SDK1: variants seen among roughly 807,000 people sequenced by gnomAD.
SDK1 encodes the protein protein sidekick-1.
Under a neutral mutation model 245.5 loss-of-function variants are expected in SDK1, and 157 were observed. That is an observed-to-expected ratio of 0.64 (90% CI 0.56 to 0.73). SDK1 has a LOEUF of 0.73. Ranked by LOEUF, SDK1 falls within the 30% of genes least tolerant of loss-of-function variation. The pLI, the probability that SDK1 is intolerant of heterozygous loss-of-function variation, is 0.00. For missense variants in SDK1, 3,583 were observed against 3,002.3 expected, an observed-to-expected ratio of 1.19 and a Z score of -4.52; for synonymous variants, 1,647 against 1,278.5, an observed-to-expected ratio of 1.29 and a Z score of -6.15.
At chr7:3,944,111 C>A (rs74684178) in intron 5 of SDK1, among the ~76,000 whole-genome samples, 4,722 of 152,298 alleles carry the variant, frequency 0.031, 266 homozygotes, top group African/African-American at 0.11. Context: ...TAACAGAGCA[C>A]AACCAGTGTT....
chr7:3,472,562 A>G (rs536132250), intron 1 of SDK1, among the ~76,000 whole-genome samples: 3 of 152,352 alleles, frequency 2.0e-5, no homozygotes, highest in Admixed American at 6.5e-5. Flanking sequence ...TATAACTGAT[A>G]ATAGCTGGTT....
intron 14 of SDK1, among the ~76,000 whole-genome samples, chr7:3,998,237 C>A (rs575367698): frequency 6.6e-6 from 1 of 152,352 alleles, no homozygotes; most frequent in African/African-American, 2.4e-5. Flanking sequence ...TCCACTTGTC[C>A]CCGGCTCCTA....
intron 35 of SDK1, among the ~76,000 whole-genome samples, chr7:4,204,504 C>T (rs183439276): frequency 2.0e-5 from 3 of 148,988 alleles, no homozygotes; most frequent in Non-Finnish European, 3.0e-5. Flanking sequence ...TTTTATTCTG[C>T]GCTGGGGGGA....
Position 3,492,137 on chromosome 7 carries a change from A to G in SDK1, c.299-126943A>G, listed in dbSNP as rs1331795669. On this transcript the variant is annotated intron_variant, in intron 1 of 44. Coordinates refer to ENST00000404826, the MANE Select transcript of SDK1 (RefSeq NM_152744.4). The stretch of plus-strand genomic sequence containing the variant: ...TAATAGATATTTTTAGGCACTTAGG[A>G]TGCTAGGGAACTTAGTAAGTGCTTT... 2.0e-5 allele frequency among the ~76,000 whole-genome samples: 3 copies of G among 152,364 alleles called. No homozygotes were observed. The East Asian group carries it at 5.8e-4, about 29-fold the overall frequency.
At chr7:4,142,720 C>G (rs769895261) in intron 28 of SDK1, among the ~76,000 whole-genome samples, 2 of 152,220 alleles carry the variant, frequency 1.3e-5, no homozygotes, top group Non-Finnish European at 2.9e-5. Flanking sequence ...TCCTTGGCCT[C>G]CCAAAATGCT....
chr7:3,447,701 T>C (rs977255687), intron 1 of SDK1, among the ~76,000 whole-genome samples: 5 of 12,556 alleles, frequency 4.0e-4, no homozygotes, highest in East Asian at 1.3e-3. Flanking sequence ...TTATATATCT[T>C]TTTTTTTTTT....
At chr7:3,655,449 AT>A (rs1349584376) in intron 4 of SDK1, among the ~76,000 whole-genome samples, 9 of 4,444 alleles carry the variant, frequency 2.0e-3, no homozygotes, top group South Asian at 7.9e-3. Context: ...AACAAAACAA[AT>A]ATATATATAT....
chr7:4,024,031 C>G (rs1331023510), intron 17 of SDK1, among the ~76,000 whole-genome samples: 1 of 152,220 alleles, frequency 6.6e-6, no homozygotes, highest in East Asian at 1.9e-4. Context: ...TATAAATCAT[C>G]ATTCTGAGCA....
intron 1 of SDK1, among the ~76,000 whole-genome samples, chr7:3,454,691 T>C (rs956538110): frequency 1.3e-5 from 2 of 152,228 alleles, no homozygotes; most frequent in East Asian, 3.8e-4. Context: ...TAATTCATTT[T>C]TATTGCTCAG....
At chr7:4,181,508 G>A (rs1186788844) in intron 35 of SDK1, among the ~76,000 whole-genome samples, 2 of 152,120 alleles carry the variant, frequency 1.3e-5, no homozygotes, top group Non-Finnish European at 2.9e-5. Context: ...TTAGCATCAC[G>A]GTGTGATGTG....
intron 4 of SDK1, among the ~76,000 whole-genome samples, chr7:3,676,701 G>T (rs1285559340): frequency 6.6e-6 from 1 of 152,174 alleles, no homozygotes; most frequent in Non-Finnish European, 1.5e-5. Context: ...TGTATATGAT[G>T]ATAGAAAGGA....
At chr7:3,930,539 A>C (rs955142269) in intron 5 of SDK1, among the ~76,000 whole-genome samples, 26 of 152,366 alleles carry the variant, frequency 1.7e-4, no homozygotes, top group Non-Finnish European at 8.8e-5. Context: ...CAGTAAAGCC[A>C]GATGTGGTTT....
At chr7:4,013,655 T>TA (rs1465415699) in intron 16 of SDK1, among the ~76,000 whole-genome samples, 1 of 152,264 alleles carries the variant, frequency 6.6e-6, no homozygotes, top group East Asian at 1.9e-4. Context: ...GTGCCTGGAC[T>TA]ATTTGCCTGT....
rs562964232 is a variant in SDK1, at chr7:4,251,397, T to G, written c.6381+5592T>G. On this transcript the variant is annotated intron_variant, in intron 44 of 44. Transcript: ENST00000404826. Reference sequence around the variant, plus strand: ...GACCAGATTCACGCTTCTAAGAGTCTTCTCCTATAGAGGCACACAGAACAC... The same window carrying G: ...GACCAGATTCACGCTTCTAAGAGTCGTCTCCTATAGAGGCACACAGAACAC... Among the ~76,000 whole-genome samples the G allele has an allele frequency of 1.2e-4, 18 of 152,316 alleles. No homozygotes were observed. The South Asian group carries it at 3.3e-3, about 28-fold the overall frequency.
chr7:3,821,544 G>C lies in SDK1; in HGVS notation c.808G>C (p.Glu270Gln). The change falls in exon 5 of 45, where the codon GAA (glutamate) becomes CAA (glutamine). Residue 270 changes from glutamate to glutamine, a missense_variant. Transcript: ENST00000404826. ...GCAGGCCGTGAATGAGAAAAATGGA[G>C]AAAACAAGACAAGCCCATTCATTCA... ...YVQAVNEKNG[E>Q]NKTSPFIHLS... 1 of 1,613,864 alleles carries C rather than the reference G, an allele frequency of 6.2e-7. No homozygotes were observed. The highest frequency in any genetic ancestry group is 8.5e-7 in the Non-Finnish European group (1 of 1,179,896).
intron 1 of SDK1, among the ~76,000 whole-genome samples, chr7:3,474,981 G>A (rs1457810592): frequency 1.3e-5 from 2 of 152,174 alleles, no homozygotes; most frequent in Non-Finnish European, 2.9e-5. Context: ...GTGAGCCACC[G>A]TGTCCAGCCC....
intron 35 of SDK1, among the ~76,000 whole-genome samples, chr7:4,194,719 C>T (rs1783480710): frequency 6.6e-6 from 1 of 152,122 alleles, no homozygotes; most frequent in Middle Eastern, 3.2e-3. Context: ...TAAGTGGCAG[C>T]TGATGAGATG....
chr7:3,790,393 C>T (rs1249254008), intron 4 of SDK1, among the ~76,000 whole-genome samples: 2 of 152,158 alleles, frequency 1.3e-5, no homozygotes, highest in Non-Finnish European at 2.9e-5. Flanking sequence ...AACGAGGAGC[C>T]AGCTGGCAAA....
At chr7:3,435,352 A>G (rs1161252045) in intron 1 of SDK1, among the ~76,000 whole-genome samples, 8 of 68,566 alleles carry the variant, frequency 1.2e-4, no homozygotes, top group African/African-American at 6.5e-4. Context: ...TTTTTTTGAG[A>G]CGGAGTCTTG....
Sources: allele counts gnomAD v4.1 joint callset (sites outside exome capture counted in the v4.1 genomes callset), GRCh38; gene constraint gnomAD v4.1.1; transcripts MANE v1.5; gene names NCBI Gene and HGNC (gene_info 2026-07-23, HGNC 2026-07-21).